DLGAP1: variants seen among roughly 807,000 people sequenced by gnomAD.
DLGAP1 encodes the protein disks large-associated protein 1.
In DLGAP1, 11 loss-of-function variants were observed where a neutral mutation model predicts 90.8. That is an observed-to-expected ratio of 0.12 (90% CI 0.08 to 0.20). The LOEUF (loss-of-function observed/expected upper bound fraction) is 0.20. DLGAP1 is among the 10% of genes least tolerant of loss of function. The pLI is 1.00. For synonymous variants in DLGAP1, 558 were observed against 540.7 expected, an observed-to-expected ratio of 1.03 and a Z score of -0.44; for missense variants, 1,050 against 1,333.8, an observed-to-expected ratio of 0.79 and a Z score of 3.31.
At chr18:3,572,293 C>A (rs2054853498) in intron 8 of DLGAP1, among the ~76,000 whole-genome samples, 1 of 152,070 alleles carries the variant, frequency 6.6e-6, no homozygotes, top group African/African-American at 2.4e-5. Flanking sequence ...CAGTTCATTT[C>A]TTGCTTTGTG....
intron 10 of DLGAP1, among the ~76,000 whole-genome samples, chr18:3,519,304 C>T (rs73939847): frequency 0.039 from 5,996 of 152,198 alleles, 400 homozygotes; most frequent in African/African-American, 0.14. Flanking sequence ...ATAGTCCCAT[C>T]GTATTTTCCA....
At chr18:3,703,193 G>T (rs2061334476) in intron 7 of DLGAP1, among the ~76,000 whole-genome samples, 1 of 152,164 alleles carries the variant, frequency 6.6e-6, no homozygotes, top group Non-Finnish European at 1.5e-5. Flanking sequence ...TCAAGATTGT[G>T]TCTCAGGATC....
intron 1 of DLGAP1, among the ~76,000 whole-genome samples, chr18:4,270,323 G>A (rs914266326): frequency 6.6e-6 from 1 of 151,990 alleles, no homozygotes; most frequent in Non-Finnish European, 1.5e-5. Flanking sequence ...CTTCCTCTGG[G>A]GACAACCTAC....
intron 2 of DLGAP1, among the ~76,000 whole-genome samples, chr18:4,110,962 C>G (rs1307735714): frequency 6.6e-6 from 1 of 152,136 alleles, no homozygotes; most frequent in Admixed American, 6.5e-5. Flanking sequence ...TATCGACTTA[C>G]AAATCCTTTT....
chr18:3,787,201 G>A (rs2065491146), intron 5 of DLGAP1, among the ~76,000 whole-genome samples: 1 of 151,892 alleles, frequency 6.6e-6, no homozygotes, highest in African/African-American at 2.4e-5. Context: ...TAAATGAGAG[G>A]GGCCAGGCGT....
Position 4,084,983 on chromosome 18 carries a change from G to C in DLGAP1, c.-159+66197C>G, listed in dbSNP as rs7242664. ...ATCGTCCAGGATGGTTAATGGGGAA[G>C]ACATCACACACTCAAAACTGCAGAC... On this transcript the variant is annotated intron_variant, in intron 2 of 12. Transcript: ENST00000315677. The surrounding 1 kb of genome is among the most constrained non-coding windows in gnomAD (Gnocchi z 4.0). 0.28 allele frequency among the ~76,000 whole-genome samples: 43,063 copies of C among 151,942 alleles called. 6,440 individuals are homozygous for C. The highest frequency in any genetic ancestry group is 0.33 in the African/African-American group (13,486 of 41,418).
intron 1 of DLGAP1, among the ~76,000 whole-genome samples, chr18:4,266,547 CT>C (rs1446863121): frequency 6.6e-6 from 1 of 152,148 alleles, no homozygotes; most frequent in Non-Finnish European, 1.5e-5. Context: ...TCACTTTTTT[CT>C]TTATTTCCCT....
chr18:4,137,119 G>C (rs756801995), intron 2 of DLGAP1, among the ~76,000 whole-genome samples: 8 of 151,494 alleles, frequency 5.3e-5, no homozygotes, highest in Admixed American at 2.6e-4. Flanking sequence ...TCTCATTGTT[G>C]AATTCCCACC....
chr18:3,902,972 G>A (rs1462201086), intron 3 of DLGAP1, among the ~76,000 whole-genome samples: 1 of 152,026 alleles, frequency 6.6e-6, no homozygotes, highest in South Asian at 2.1e-4. Context: ...AATTCCAGCT[G>A]AGAGTGATCT....
intron 9 of DLGAP1, among the ~76,000 whole-genome samples, chr18:3,555,805 C>G (rs150196186): frequency 6.6e-6 from 1 of 151,702 alleles, no homozygotes; most frequent in African/African-American, 2.4e-5. Flanking sequence ...AGCGAAACTC[C>G]GTCTCAAAAA....
intron 2 of DLGAP1, among the ~76,000 whole-genome samples, chr18:4,072,867 C>T (rs569651944): frequency 6.6e-6 from 1 of 152,224 alleles, no homozygotes; most frequent in East Asian, 1.9e-4. Context: ...TATTATTACA[C>T]CTTGATTTGA....
intron 7 of DLGAP1, among the ~76,000 whole-genome samples, chr18:3,620,043 T>C (rs1411926830): frequency 6.6e-6 from 1 of 152,088 alleles, no homozygotes; most frequent in Non-Finnish European, 1.5e-5. Context: ...ACCCATCTTT[T>C]AATCTTTGAA....
chr18:4,008,030 G>T (rs966017303), intron 2 of DLGAP1, among the ~76,000 whole-genome samples: 2 of 151,864 alleles, frequency 1.3e-5, no homozygotes, highest in Non-Finnish European at 2.9e-5. Flanking sequence ...TTTAAAATTG[G>T]AATCAGTCAC....
intron 4 of DLGAP1, chr18:3,874,706 T>C (rs1165591072): frequency 6.5e-7 from 1 of 1,534,370 alleles, no homozygotes; most frequent in African/African-American, 1.4e-5. Flanking sequence ...TTCAAATCCA[T>C]GTTCCTGCTC....
chr18:4,002,092 G>A (rs536114636), intron 3 of DLGAP1, among the ~76,000 whole-genome samples: 5 of 152,222 alleles, frequency 3.3e-5, no homozygotes, highest in African/African-American at 1.2e-4. Context: ...TTGTCTGGGA[G>A]GTCTTGCTTT....
intron 5 of DLGAP1, among the ~76,000 whole-genome samples, chr18:3,782,937 C>T (rs2065266520): frequency 6.6e-6 from 1 of 152,136 alleles, no homozygotes; most frequent in Non-Finnish European, 1.5e-5. Context: ...AATATATAAA[C>T]AACTCCTACA....
chr18:3,549,977 A>G (rs1283544605), intron 9 of DLGAP1, among the ~76,000 whole-genome samples: 1 of 152,118 alleles, frequency 6.6e-6, no homozygotes, highest in African/African-American at 2.4e-5. Flanking sequence ...GCAGTGGCAC[A>G]ATCTTGGCTC....
chr18:4,037,394 C>T (rs1426425971), intron 2 of DLGAP1, among the ~76,000 whole-genome samples: 6 of 152,126 alleles, frequency 3.9e-5, no homozygotes, highest in East Asian at 1.9e-4. Flanking sequence ...TTAACTTTCA[C>T]TTACTTATAT....
chr18:4,237,083 T>C (rs1184085435), intron 1 of DLGAP1, among the ~76,000 whole-genome samples: 1 of 152,284 alleles, frequency 6.6e-6, no homozygotes, highest in East Asian at 1.9e-4. Flanking sequence ...TCTGAAGCTA[T>C]CGAGTAGCTC....
Sources: gnomAD v4.1 joint callset for allele counts (sites outside exome capture counted in the v4.1 genomes callset) on GRCh38, gnomAD v4.1.1 for gene constraint, Gnocchi (gnomAD v3.1) non-coding constraint, MANE v1.5 for transcripts, NCBI Gene and HGNC (gene_info 2026-07-23, HGNC 2026-07-21) for gene names.